RPGRIP1: variants seen among roughly 807,000 people sequenced by gnomAD.
The protein encoded by RPGRIP1 is RPGR interacting protein 1.
RPGRIP1 carries 128 observed loss-of-function variants against 157.9 expected under a neutral mutation model. The observed-to-expected ratio is 0.81, with a 90% CI of 0.70 to 0.94. RPGRIP1 has a LOEUF of 0.94. Ranked by LOEUF, RPGRIP1 falls within the 40% of genes least tolerant of loss-of-function variation. The pLI, the probability that RPGRIP1 is intolerant of heterozygous loss-of-function variation, is 0.00. For missense variants in RPGRIP1, 1,486 were observed against 1,545.8 expected (o/e 0.96, Z 0.65); for synonymous variants, 554 against 571.6 (o/e 0.97, Z 0.44).
In RPGRIP1 at chr14:21,298,594, A is replaced by T. The variant is rs113395289; in HGVS notation, c.219-2372A>T. On this transcript the variant is annotated intron_variant, in intron 3 of 24. Coordinates refer to ENST00000400017, the MANE Select transcript of RPGRIP1 (RefSeq NM_020366.4). ...AGACCAGTTTCCTAATGTCAAGGGC[A>T]GTGTTTTGCTTTCTCATTGTAACCC... Among the ~76,000 whole-genome samples, 71 of 151,662 alleles carry T rather than the reference A, an allele frequency of 4.7e-4. 1 individual carries two copies. Among genetic ancestry groups the T allele is most frequent in the African/African-American group, 1.6e-3 (66 of 41,352 alleles).
At chr14:21,339,378 G>A (rs112184158) in intron 21 of RPGRIP1, among the ~76,000 whole-genome samples, 1,526 of 152,150 alleles carry the variant, frequency 0.01, 30 homozygotes, top group African/African-American at 0.035. Flanking sequence ...CCAAGGAGTC[G>A]GAGGTTGCAG....
intron 2 of RPGRIP1, among the ~76,000 whole-genome samples, chr14:21,291,348 AC>A (rs1880520425): frequency 6.6e-6 from 1 of 152,142 alleles, no homozygotes; most frequent in Non-Finnish European, 1.5e-5. Flanking sequence ...GTGATAGGAA[AC>A]CGTTGTTCAG....
chr14:21,293,606 C>T (rs1474354634), intron 2 of RPGRIP1, among the ~76,000 whole-genome samples: 1 of 151,158 alleles, frequency 6.6e-6, no homozygotes, highest in Non-Finnish European at 1.5e-5. Context: ...AAGCTGGGCA[C>T]GGTGGCTCAC....
chr14:21,345,053 T>C, intron 22 of RPGRIP1, 60 bp from the exon 23 acceptor site: 1 of 1,097,672 alleles, frequency 9.1e-7, no homozygotes, highest in Non-Finnish European at 1.4e-6. Context: ...AATGAAAGTC[T>C]TGGGGCTCAC....
Position 21,281,700 on chromosome 14 carries a change from A to T in RPGRIP1, c.-39+1541A>T, listed in dbSNP as rs200628451. Among the ~76,000 whole-genome samples the T allele has an allele frequency of 3.8e-4, 41 of 107,792 alleles. 1 individual carries two copies. The highest frequency in any genetic ancestry group is 1.5e-3 in the African/African-American group (38 of 25,402). 70.7% of individuals were successfully genotyped at this position (107,792 alleles called of 152,430 possible). On this transcript the variant is annotated intron_variant, in intron 1 of 24. Coordinates refer to ENST00000400017, the MANE Select transcript of RPGRIP1 (RefSeq NM_020366.4). ...TGAGACCTTGTCTCAAAAAAAAAAA[A>T]AATAAATAATAATAATAATAATAAT...
In RPGRIP1 at chr14:21,302,643, C is replaced by T; in HGVS notation, c.587+59C>T. 6.6e-6 allele frequency: 7 copies of T among 1,061,328 alleles called. No homozygotes were observed. The South Asian group carries it at 1.1e-4, about 17-fold the overall frequency. 65.7% of individuals were successfully genotyped at this position (1,061,328 alleles called of 1,614,324 possible). On this transcript the variant is annotated intron_variant, in intron 5 of 24. Transcript: ENST00000400017. ...CCTGCCACTTTAATTAGAAAGACAT[C>T]ATTTAGGGAACAAATGAATGTTGGT...
chr14:21,307,135 C>T (rs964282257), intron 6 of RPGRIP1, among the ~76,000 whole-genome samples: 2 of 152,192 alleles, frequency 1.3e-5, no homozygotes, highest in African/African-American at 2.4e-5. Context: ...CAGCTCACTG[C>T]AACCTCCGCC....
Position 21,330,395 on chromosome 14 carries a change from C to A in RPGRIP1, c.3238+8C>A, listed in dbSNP as rs1268653930. 2 of 1,478,676 alleles carry A rather than the reference C, an allele frequency of 1.4e-6. No homozygotes were observed. Among genetic ancestry groups the A allele is most frequent in the Non-Finnish European group, 8.9e-7 (1 of 1,118,624 alleles). The allele number at this position is 1,478,676 out of a possible 1,614,324, so 91.6% of individuals were successfully genotyped here. On this transcript the variant is annotated splice_region_variant and intron_variant, in intron 20 of 24. Coordinates refer to ENST00000400017, the MANE Select transcript of RPGRIP1 (RefSeq NM_020366.4). ...CTCTACATCCTGTAAATGGTATTGT[C>A]TTTTAAAATCTATTTTTTTTCCTAG...
rs1880358064 is a variant in RPGRIP1, at chr14:21,287,973, G to T, written c.-4G>T. 1.2e-6 allele frequency: 2 copies of T among 1,608,104 alleles called. No individual in the cohort carries two copies. Among genetic ancestry groups the T allele is most frequent in the Non-Finnish European group, 1.7e-6 (2 of 1,175,128 alleles). On this transcript the variant is annotated 5_prime_UTR_variant, in exon 2 of 25. Coordinates refer to ENST00000400017, the MANE Select transcript of RPGRIP1 (RefSeq NM_020366.4). ...GGATCTCTTACAGCTTGGGAACAGA[G>T]ATCATGTCACATCTGGTGGACCCTA...
chr14:21,349,499 A>G (rs1826279858), intron 24 of RPGRIP1, among the ~76,000 whole-genome samples: 1 of 147,024 alleles, frequency 6.8e-6, no homozygotes, highest in Admixed American at 6.9e-5. Flanking sequence ...CTCTTTCTTA[A>G]TCAAGCGATT....
intron 21 of RPGRIP1, among the ~76,000 whole-genome samples, chr14:21,338,519 A>G (rs1205010082): frequency 2.0e-5 from 3 of 152,220 alleles, no homozygotes; most frequent in Non-Finnish European, 2.9e-5. Flanking sequence ...ATATATTTCA[A>G]TGGTTAATAT....
chr14:21,313,073 T>C (rs1262436389), intron 10 of RPGRIP1, among the ~76,000 whole-genome samples: 1 of 151,960 alleles, frequency 6.6e-6, no homozygotes, highest in East Asian at 1.9e-4. Context: ...TGGGCTCAAG[T>C]CATCTGCCTG....
chr14:21,301,333 C>A, intron 4 of RPGRIP1, 96 bp downstream of exon 4: 1 of 1,325,674 alleles, frequency 7.5e-7, no homozygotes, highest in South Asian at 1.4e-5. Context: ...TGCCCACCAC[C>A]CCATTTTGTT....
intron 2 of RPGRIP1, among the ~76,000 whole-genome samples, chr14:21,288,267 G>A (rs1033154303): frequency 4.1e-5 from 6 of 146,428 alleles, no homozygotes; most frequent in African/African-American, 1.0e-4. Flanking sequence ...TGCAGCCTCC[G>A]ACTCCTGGGT....
intron 23 of RPGRIP1, among the ~76,000 whole-genome samples, chr14:21,345,889 GGCTCA>G: frequency 6.6e-6 from 1 of 152,012 alleles, no homozygotes; most frequent in African/African-American, 2.4e-5. Context: ...GTACAATCTT[GGCTCA>G]CTGCAACCTC....
At chr14:21,318,515 A>G (rs533490555) in intron 11 of RPGRIP1, among the ~76,000 whole-genome samples, 1 of 152,186 alleles carries the variant, frequency 6.6e-6, no homozygotes, top group East Asian at 1.9e-4. Flanking sequence ...TCACTCTGTC[A>G]CCCAGGCTGG....
chr14:21,335,657 C>T (rs568664103), intron 21 of RPGRIP1, among the ~76,000 whole-genome samples: 3 of 152,142 alleles, frequency 2.0e-5, no homozygotes, highest in East Asian at 3.9e-4. Flanking sequence ...GGTGAAACCC[C>T]GTCTCTACTA....
intron 14 of RPGRIP1, among the ~76,000 whole-genome samples, chr14:21,322,440 C>G (rs1035785036): frequency 1.3e-5 from 2 of 152,024 alleles, no homozygotes; most frequent in African/African-American, 2.4e-5. Flanking sequence ...ATTACAGGTG[C>G]GAGCCACTGC....
chr14:21,304,389 G>GAGAAAAAGAAAGAA (rs140321081), intron 6 of RPGRIP1, among the ~76,000 whole-genome samples: 20 of 121,036 alleles, frequency 1.7e-4, no homozygotes, highest in African/African-American at 3.3e-4. Flanking sequence ...GAAGGAGAGA[G>GAGAAAAAGAAAGAA]AGAAAGAAAG....
Sources: allele counts gnomAD v4.1 joint callset (sites outside exome capture counted in the v4.1 genomes callset), GRCh38; gene constraint gnomAD v4.1.1; transcripts MANE v1.5; gene names NCBI Gene and HGNC (gene_info 2026-07-23, HGNC 2026-07-21).